RARS1: variants seen among roughly 807,000 people sequenced by gnomAD.
RARS1 encodes arginyl-tRNA synthetase 1.
In RARS1, 75 loss-of-function variants were observed where a neutral mutation model predicts 78.7. The ratio of observed to expected loss-of-function variants is 0.95; its 90% CI spans 0.79 to 1.15. RARS1 has a LOEUF of 1.15. Ranked by LOEUF, RARS1 falls within the 50% of genes most tolerant of loss-of-function variation. RARS1 has a pLI of 0.00. For missense variants in RARS1, 787 were observed against 787.5 expected (o/e 1.00, Z 0.01); for synonymous variants, 273 against 268.2 (o/e 1.02, Z -0.18).
At chr5:168,512,413 G>A (rs969927332) in intron 12 of RARS1, among the ~76,000 whole-genome samples, 1 of 152,136 alleles carries the variant, frequency 6.6e-6, no homozygotes, top group Non-Finnish European at 1.5e-5. Context: ...GGAGAAAGTG[G>A]TGACCGTTGT....
chr5:168,495,359 T>C lies in RARS1; in HGVS notation c.624T>C (p.His208=). 1 of 1,614,116 alleles carries C rather than the reference T, an allele frequency of 6.2e-7. No homozygotes were observed. Among genetic ancestry groups the C allele is most frequent in the Non-Finnish European group, 8.5e-7 (1 of 1,179,984 alleles). The change falls in exon 6 of 15, where the codon CAT becomes CAC. Residue 208 remains histidine, a synonymous_variant. Transcript: ENST00000231572. ...FSSPNIAKEM[H]VGHLRSTIIG... ...CCCCTAATATAGCTAAAGAGATGCA[T>C]GTAGGCCACCTGAGGTCAACTATCA...
intron 11 of RARS1, among the ~76,000 whole-genome samples, chr5:168,508,064 T>C (rs1166518458): frequency 6.6e-6 from 1 of 152,088 alleles, no homozygotes; most frequent in Admixed American, 6.6e-5. Context: ...TAAGTCCTTA[T>C]TATAGTGTTT....
chr5:168,505,881 T>G, intron 9 of RARS1, 140 bp from the exon 10 acceptor site: 5 of 781,626 alleles, frequency 6.4e-6, no homozygotes, highest in South Asian at 6.4e-5. Context: ...GAAAAAATTA[T>G]GTGCTTTCTT....
intron 1 of RARS1, chr5:168,488,180 T>C: frequency 2.6e-6 from 1 of 385,186 alleles, no homozygotes; most frequent in Non-Finnish European, 5.1e-6. Flanking sequence ...CAGACTGGAG[T>C]GCAGTGGCAC....
At chr5:168,513,221 ATTT>A (rs35468758) in intron 12 of RARS1, among the ~76,000 whole-genome samples, 2 of 91,780 alleles carry the variant, frequency 2.2e-5, no homozygotes, top group Admixed American at 1.1e-4. Context: ...AATTTTTTGT[ATTT>A]TTTTTTTTTT....
chr5:168,514,227 GC>G (rs1460266289), intron 12 of RARS1, among the ~76,000 whole-genome samples: 2 of 152,110 alleles, frequency 1.3e-5, no homozygotes, highest in Non-Finnish European at 2.9e-5. Context: ...TTTGGGGGCT[GC>G]CAAACTTCCT....
At chr5:168,488,046 G>A in intron 1 of RARS1, 1 of 190,074 alleles carries the variant, frequency 5.3e-6, no homozygotes, top group South Asian at 6.6e-5. Context: ...CTAGGGATAT[G>A]AGACATGAGG....
rs979194085 is a variant in RARS1 at position 168,517,951 on chromosome 5, A to G, written c.1762A>G (p.Ile588Val). Residue 588 changes from isoleucine (I) to valine (V), a missense_variant, in exon 14 of 15, where the codon ATT becomes GTT. Transcript: ENST00000231572. ...ACGGTTCCCTGAGATTCTGCAAAAG[A>G]TTTTAGATGACTTATTTCTCCACAC... is the stretch of plus-strand genomic sequence containing the variant. ...ILRFPEILQKILDDLFLHTLC... is the reference protein window; with the variant it reads ...ILRFPEILQKVLDDLFLHTLC... 1 of 1,613,584 alleles carries G rather than the reference A, an allele frequency of 6.2e-7. No individual in the cohort carries two copies. Among genetic ancestry groups the G allele is most frequent in the Non-Finnish European group, 8.5e-7 (1 of 1,179,912 alleles).
In RARS1 at chr5:168,495,455, C is replaced by G. The variant is rs369512389; in HGVS notation, c.701+19C>G. On this transcript the variant is annotated intron_variant, in intron 6 of 14. Coordinates refer to ENST00000231572, the MANE Select transcript of RARS1 (RefSeq NM_002887.4). ...TGCTCAGGTATGTGCTCTTGCCTTG[C>G]GTACTATTCTCTTTCCTTATTTTCT... is the stretch of plus-strand genomic sequence containing the variant. The G allele has an allele frequency of 8.8e-6, 14 of 1,599,850 alleles. No homozygotes were observed. The highest frequency in any genetic ancestry group is 1.1e-5 in the Non-Finnish European group (13 of 1,171,036).
chr5:168,507,222 G>A (rs1164281066), intron 11 of RARS1, among the ~76,000 whole-genome samples: 9 of 152,270 alleles, frequency 5.9e-5, no homozygotes, highest in East Asian at 3.9e-4. Flanking sequence ...AAAGGTATAA[G>A]TTATTGAGAT....
Position 168,505,831 on chromosome 5 carries a change from T to C in RARS1, c.1058-190T>C, listed in dbSNP as rs112374318. Among the ~76,000 whole-genome samples the C allele has an allele frequency of 0.015, 2,332 of 152,020 alleles. 49 individuals are homozygous for C. The highest frequency in any genetic ancestry group is 0.053 in the African/African-American group (2,192 of 41,420). On this transcript the variant is annotated intron_variant, in intron 9 of 14. Coordinates refer to ENST00000231572, the MANE Select transcript of RARS1 (RefSeq NM_002887.4). ...ACCCTGAGTATCCAGGCAACCTTGATGGTTAACATTTTCCAAGGTTTCTAA... is the reference window on the plus strand; with the variant it reads ...ACCCTGAGTATCCAGGCAACCTTGACGGTTAACATTTTCCAAGGTTTCTAA...
intron 12 of RARS1, among the ~76,000 whole-genome samples, chr5:168,516,380 A>G (rs1272157996): frequency 6.6e-6 from 1 of 152,246 alleles, no homozygotes; most frequent in East Asian, 1.9e-4. Context: ...ATTTCAATTA[A>G]TTATTTAACG....
At position 168,487,388 on chromosome 5, in the gene RARS1, G is replaced by A. The variant is rs1561817850; in HGVS notation, c.45+845G>A. On this transcript the variant is annotated intron_variant, in intron 1 of 14. Transcript: ENST00000231572. ...CCCCCTACAAAAAAAAAAAGTGAAAGCGGAACAGTTCCATTACCTTTTATG... is the reference window on the plus strand; with the variant it reads ...CCCCCTACAAAAAAAAAAAGTGAAAACGGAACAGTTCCATTACCTTTTATG... 2.6e-5 allele frequency among the ~76,000 whole-genome samples: 4 copies of A among 151,910 alleles called. 1 individual carries two copies. Among genetic ancestry groups the A allele is most frequent in the South Asian group, 4.2e-4 (2 of 4,818 alleles).
rs758743847 is a variant in RARS1 at position 168,494,012 on chromosome 5, A to G, written c.478+10A>G. On this transcript the variant is annotated intron_variant, in intron 4 of 14. Transcript: ENST00000231572. Reference sequence around the variant, plus strand: ...GAAATTGCTGGTCCTGGTATGACATAATGTTATCCTTCTTAATAGTTGTAT... The same window carrying G: ...GAAATTGCTGGTCCTGGTATGACATGATGTTATCCTTCTTAATAGTTGTAT... 2 of 1,571,316 alleles carry G rather than the reference A, an allele frequency of 1.3e-6. No homozygotes were observed. Among genetic ancestry groups the G allele is most frequent in the Non-Finnish European group, 1.7e-6 (2 of 1,143,640 alleles).
chr5:168,506,390 T>C (rs562162669), intron 10 of RARS1, among the ~76,000 whole-genome samples, 191 bp downstream of exon 10: 1 of 152,308 alleles, frequency 6.6e-6, no homozygotes, highest in East Asian at 1.9e-4. Context: ...GTTTTCCAGC[T>C]TGCCTCCACA....
chr5:168,494,112 A>C, intron 4 of RARS1, 110 bp downstream of exon 4: 4 of 1,273,036 alleles, frequency 3.1e-6, no homozygotes, highest in Non-Finnish European at 4.3e-6. Flanking sequence ...ATACTGAACA[A>C]GATGGTGAAA....
intron 12 of RARS1, among the ~76,000 whole-genome samples, 165 bp from the exon 13 acceptor site, chr5:168,516,612 GT>G (rs1758670838): frequency 6.6e-6 from 1 of 152,082 alleles, no homozygotes; most frequent in South Asian, 2.1e-4. Flanking sequence ...TCATTATTTT[GT>G]TTGTACATTG....
intron 2 of RARS1, among the ~76,000 whole-genome samples, chr5:168,491,478 G>C (rs1053808465): frequency 6.6e-6 from 1 of 152,188 alleles, no homozygotes; most frequent in Non-Finnish European, 1.5e-5. Context: ...ACCACAGAGA[G>C]GAGTCAATTA....
rs766421004 is a variant in RARS1 at position 168,495,315 on chromosome 5, G to A, written c.580G>A (p.Val194Ile). 6.2e-7 allele frequency: 1 copy of A among 1,613,278 alleles called. No individual in the cohort carries two copies. Among genetic ancestry groups the A allele is most frequent in the Non-Finnish European group, 8.5e-7 (1 of 1,179,510 alleles). Residue 194 changes from valine to isoleucine, a missense_variant and splice_region_variant, in exon 6 of 15, where the codon GTT becomes ATT. Transcript: ENST00000231572. ...GCCTTTCTCTTTTTGTCTACCCCAG[G>A]TTATAGTTGACTTTTCCTCCCCTAA... ...QLPALGENKK[V>I]IVDFSSPNIA...
Sources: gnomAD v4.1 joint callset for allele counts (sites outside exome capture counted in the v4.1 genomes callset) on GRCh38, gnomAD v4.1.1 for gene constraint, MANE v1.5 for transcripts, NCBI Gene and HGNC (gene_info 2026-07-23, HGNC 2026-07-21) for gene names.